The following UNC13C variants were observed in gnomAD, a reference collection of about 807,000 sequenced individuals.
The protein encoded by UNC13C is unc-13 homolog C.
Under a neutral mutation model 245.4 loss-of-function variants are expected in UNC13C, and 174 were observed. That is an observed-to-expected ratio of 0.71 (90% CI 0.63 to 0.80). The LOEUF is 0.80. Ranked by LOEUF, UNC13C falls within the 30% of genes least tolerant of loss-of-function variation. UNC13C has a pLI of 0.00. For synonymous variants in UNC13C, 992 were observed against 895.1 expected, an observed-to-expected ratio of 1.11 and a Z score of -1.93; for missense variants, 2,829 against 2,602.9, an observed-to-expected ratio of 1.09 and a Z score of -1.89.
the UNC13C span, among the ~76,000 whole-genome samples, chr15:53,865,394 C>T: frequency 6.6e-6 from 1 of 152,152 alleles, no homozygotes. Context: ...TTTCCTGAGG[C>T]CTCTCTCCCT....
intron 30 of UNC13C, among the ~76,000 whole-genome samples, chr15:54,610,331 G>T (rs1023766954): frequency 5.3e-5 from 8 of 152,028 alleles, no homozygotes; most frequent in Non-Finnish European, 1.0e-4. Context: ...CGCCTTCCGG[G>T]TTCAGCAATT....
At chr15:54,624,054 G>A (rs1489245691) in intron 32 of UNC13C, 100 bp downstream of exon 32, 10 of 1,440,998 alleles carry the variant, frequency 6.9e-6, no homozygotes, top group Non-Finnish European at 9.5e-6. Context: ...GGAAAATGAA[G>A]AAGGCTCTGT....
Position 54,034,576 on chromosome 15 carries a change from G to A in UNC13C, c.2983+18690G>A, listed in dbSNP as rs187001624. 2.0e-4 allele frequency among the ~76,000 whole-genome samples: 30 copies of A among 152,228 alleles called. No homozygotes were observed. The East Asian group carries it at 3.3e-3, about 17-fold the overall frequency. On this transcript the variant is annotated intron_variant, in intron 2 of 32. Transcript: ENST00000260323. ...TAAAAAGTCACTATCTCCTTGAACC[G>A]AAAATGATTAATGTTTAAGAATACA...
intron 15 of UNC13C, among the ~76,000 whole-genome samples, chr15:54,332,768 C>T (rs2038472852): frequency 6.6e-6 from 1 of 151,962 alleles, no homozygotes; most frequent in Non-Finnish European, 1.5e-5. Context: ...AATAGATGCT[C>T]TCTTGTATCT....
Position 54,494,498 on chromosome 15 carries a change from A to G in UNC13C, c.4934-110A>G, listed in dbSNP as rs1324210576. The G allele has an allele frequency of 4.7e-6, 5 of 1,065,234 alleles. No individual in the cohort carries two copies. In the African/African-American group the frequency reaches 4.9e-5, roughly 10 times the overall value. The allele number at this position is 1,065,234 out of a possible 1,614,324, so 66.0% of individuals were successfully genotyped here. A position where few individuals can be genotyped will look rare whatever the true frequency, so the allele number is the denominator to read the frequency against. Reference sequence around the variant, plus strand: ...AGCAATTCATTATACCTTTACATCTAATATACTATTTTCTTCCTTTTAGAA... The same window carrying G: ...AGCAATTCATTATACCTTTACATCTGATATACTATTTTCTTCCTTTTAGAA... On this transcript the variant is annotated intron_variant, in intron 19 of 32. Transcript: ENST00000260323.
At chr15:54,501,041 G>T in intron 22 of UNC13C, 63 bp downstream of exon 22, 2 of 1,541,342 alleles carry the variant, frequency 1.3e-6, no homozygotes, top group Non-Finnish European at 1.8e-6. Context: ...AAATGCTATT[G>T]TTTTGTGGTG....
At chr15:54,597,254 A>G (rs527884096) in intron 30 of UNC13C, among the ~76,000 whole-genome samples, 1 of 152,268 alleles carries the variant, frequency 6.6e-6, no homozygotes, top group South Asian at 2.1e-4. Context: ...CAGGCCACAG[A>G]CCGGTATCAT....
At chr15:54,567,714 C>T (rs1897574674) in intron 29 of UNC13C, 86 bp from the exon 30 acceptor site, 1 of 1,232,692 alleles carries the variant, frequency 8.1e-7, no homozygotes. Flanking sequence ...TTGTATTATT[C>T]CATTTGAGCT....
chr15:54,290,708 T>C (rs1446082436), intron 10 of UNC13C, among the ~76,000 whole-genome samples: 2 of 152,126 alleles, frequency 1.3e-5, no homozygotes, highest in African/African-American at 4.8e-5. Flanking sequence ...TTAATACACC[T>C]TTACCTTGCT....
intron 19 of UNC13C, among the ~76,000 whole-genome samples, chr15:54,473,494 C>G (rs1236298313): frequency 6.6e-6 from 1 of 151,772 alleles, no homozygotes; most frequent in African/African-American, 2.4e-5. Flanking sequence ...ATTAACCAAC[C>G]TCTCTTGATT....
chr15:53,859,665 T>C, the UNC13C span, among the ~76,000 whole-genome samples: 1 of 152,170 alleles, frequency 6.6e-6, no homozygotes, highest in East Asian at 1.9e-4. Context: ...GTTTTCATTT[T>C]TAATGCTATG....
At position 54,013,724 on chromosome 15, in the gene UNC13C, T is replaced by C; in HGVS notation, c.821T>C (p.Ile274Thr). ...RGHVNALKHSIDEISSSVEVV... is the reference protein window; with the variant it reads ...RGHVNALKHSTDEISSSVEVV... ...CACGTCAATGCTCTCAAGCACTCCA[T>C]CGATGAGATCTCCAGCAGTGTGGAG... Residue 274 changes from isoleucine (I) to threonine (T), a missense_variant, in exon 2 of 33, where the codon ATC becomes ACC. Ile to Thr is a moderately conservative substitution (Grantham distance 89). Transcript: ENST00000260323. The C allele has an allele frequency of 3.1e-6, 5 of 1,612,886 alleles. No homozygotes were observed. The highest frequency in any genetic ancestry group is 4.2e-6 in the Non-Finnish European group (5 of 1,179,466).
chr15:53,840,162 T>C, the UNC13C span, among the ~76,000 whole-genome samples: 1 of 152,114 alleles, frequency 6.6e-6, no homozygotes, highest in Non-Finnish European at 1.5e-5. Flanking sequence ...ATAATATTAT[T>C]TATTATTAAG....
intron 4 of UNC13C, among the ~76,000 whole-genome samples, chr15:54,161,714 G>GGCATATTA (rs1386036470): frequency 6.6e-5 from 10 of 152,044 alleles, no homozygotes; most frequent in Non-Finnish European, 1.2e-4. Flanking sequence ...ACTTTGGGAG[G>GGCATATTA]CCAGGGTGGG....
intron 2 of UNC13C, among the ~76,000 whole-genome samples, chr15:54,065,577 T>G (rs138613702): frequency 4.8e-4 from 73 of 152,334 alleles, no homozygotes; most frequent in Non-Finnish European, 9.8e-4. Context: ...CACAGCTCAA[T>G]GCAGATTAGG....
intron 4 of UNC13C, among the ~76,000 whole-genome samples, chr15:54,192,587 T>C (rs2034222570): frequency 6.6e-6 from 1 of 152,156 alleles, no homozygotes; most frequent in African/African-American, 2.4e-5. Context: ...AGTTCCTTTG[T>C]TTGTTGGTTC....
At chr15:54,603,119 G>A (rs911951786) in intron 30 of UNC13C, among the ~76,000 whole-genome samples, 1 of 152,114 alleles carries the variant, frequency 6.6e-6, no homozygotes, top group African/African-American at 2.4e-5. Flanking sequence ...ATCCTGTTTT[G>A]GGAATCAAGG....
At chr15:54,235,726 C>T (rs2035677316) in intron 5 of UNC13C, among the ~76,000 whole-genome samples, 1 of 152,166 alleles carries the variant, frequency 6.6e-6, no homozygotes, top group African/African-American at 2.4e-5. Context: ...TTGTGGGCAC[C>T]TGTAGTCCCA....
rs1344445433 is a variant in UNC13C at position 54,624,073 on chromosome 15, C to T, written c.6359+119C>T. ...AATGAAGAAGGCTCTGTTTTTAGTT[C>T]CCTTCCATTCATTCAATATCTGTTC... On this transcript the variant is annotated intron_variant, in intron 32 of 32. Transcript: ENST00000260323. The T allele has an allele frequency of 4.8e-6, 6 of 1,248,134 alleles. No homozygotes were observed. In the East Asian group the frequency reaches 1.4e-4, roughly 29 times the overall value. The allele number at this position is 1,248,134 out of a possible 1,614,324, so 77.3% of individuals were successfully genotyped here. A position where few individuals can be genotyped will look rare whatever the true frequency, so the allele number is the denominator to read the frequency against.
Sources: gnomAD v4.1 joint callset for allele counts (sites outside exome capture counted in the v4.1 genomes callset) on GRCh38, gnomAD v4.1.1 for gene constraint, MANE v1.5 for transcripts, NCBI Gene and HGNC (gene_info 2026-07-23, HGNC 2026-07-21) for gene names.